Variants in RRP1B observed in about 807,000 individuals in gnomAD.
The protein encoded by RRP1B is ribosomal RNA processing protein 1 homolog B.
A neutral mutation model predicts 80.2 loss-of-function variants in RRP1B; 56 were observed. That is an observed-to-expected ratio of 0.70 (90% CI 0.56 to 0.87). The LOEUF (loss-of-function observed/expected upper bound fraction) is 0.87, where lower values mean the gene tolerates loss of function less well. RRP1B is among the 40% of genes least tolerant of loss of function. The pLI is 0.00. For missense variants in RRP1B, 807 were observed against 939.8 expected, an observed-to-expected ratio of 0.86 and a Z score of 1.85; for synonymous variants, 351 against 357.6, an observed-to-expected ratio of 0.98 and a Z score of 0.21.
rs1489307068 is a variant in RRP1B, at chr21:43,659,897, C to T, written c.130+103C>T. On this transcript the variant is annotated intron_variant, in intron 1 of 15. Transcript: ENST00000340648. The surrounding 1 kb of genome is among the most constrained non-coding windows in gnomAD (Gnocchi z 4.2). ...ACGGAATGCGGCTTCCACGTGTTGT[C>T]GTGACACCCAGCGTGTGCTTCGGTT... 6 of 1,249,040 alleles carry T rather than the reference C, an allele frequency of 4.8e-6. No individual in the cohort carries two copies. The highest frequency in any genetic ancestry group is 6.2e-6 in the Non-Finnish European group (6 of 960,112). The allele number at this position is 1,249,040 out of a possible 1,614,324, so 77.4% of individuals were successfully genotyped here.
rs754497410 is a variant in RRP1B, at chr21:43,684,502, A to G, written c.892-51A>G. On this transcript the variant is annotated intron_variant, in intron 9 of 15. Coordinates refer to ENST00000340648, the MANE Select transcript of RRP1B (RefSeq NM_015056.3). ...ACTAGCAGATGTAAATGGCCAAGTC[A>G]GGCAGTGTTGTTTGGCTGCAGACTT... 60 of 1,494,498 alleles carry G rather than the reference A, an allele frequency of 4.0e-5. No homozygotes were observed. The Admixed American group carries it at 9.2e-4, about 23-fold the overall frequency. 92.6% of individuals were successfully genotyped at this position (1,494,498 alleles called of 1,614,324 possible). A position where few individuals can be genotyped will look rare whatever the true frequency, so the allele number is the denominator to read the frequency against.
chr21:43,676,198 A>G, intron 6 of RRP1B, 74 bp from the exon 7 acceptor site: 1 of 1,087,876 alleles, frequency 9.2e-7, no homozygotes, highest in South Asian at 1.4e-5. Context: ...AAAAGATGGG[A>G]ATGGTCCCTT....
chr21:43,664,394 A>G (rs2082970308), intron 1 of RRP1B, among the ~76,000 whole-genome samples: 1 of 152,190 alleles, frequency 6.6e-6, no homozygotes, highest in Non-Finnish European at 1.5e-5. Flanking sequence ...AGGAATAGAA[A>G]GTGAGACAAT....
chr21:43,661,607 A>C (rs1357955800), intron 1 of RRP1B, among the ~76,000 whole-genome samples: 5 of 152,066 alleles, frequency 3.3e-5, no homozygotes, highest in African/African-American at 4.8e-5. Flanking sequence ...CATATTCCCC[A>C]ACTGGTCTCC....
At chr21:43,669,324 T>C (rs2082990466) in intron 1 of RRP1B, among the ~76,000 whole-genome samples, 1 of 152,214 alleles carries the variant, frequency 6.6e-6, no homozygotes, top group Non-Finnish European at 1.5e-5. Flanking sequence ...AGGTAATTTT[T>C]GCAAAAATAT....
rs2083069788 is a variant in RRP1B at position 43,687,790 on chromosome 21, G to A, written c.1416G>A (p.Arg472=). 10 of 1,613,108 alleles carry A rather than the reference G, an allele frequency of 6.2e-6. No individual in the cohort carries two copies. The highest frequency in any genetic ancestry group is 8.5e-6 in the Non-Finnish European group (10 of 1,180,052). Residue 472 remains arginine, a synonymous_variant, in exon 13 of 16, where the codon AGG becomes AGA. Coordinates refer to ENST00000340648, the MANE Select transcript of RRP1B (RefSeq NM_015056.3). ...CAGCCGTCCCCATGCACAATAAAAGGAAACGGCCACGGAAGAAGAGCCCGA... is the reference window on the plus strand; with the variant it reads ...CAGCCGTCCCCATGCACAATAAAAGAAAACGGCCACGGAAGAAGAGCCCGA... ...HPPAVPMHNK[R]KRPRKKSPRA... is the part of the protein sequence containing the mutation.
intron 1 of RRP1B, among the ~76,000 whole-genome samples, chr21:43,663,077 G>T (rs1379878520): frequency 6.6e-6 from 1 of 152,190 alleles, no homozygotes; most frequent in African/African-American, 2.4e-5. Flanking sequence ...CTCTATCCAA[G>T]AGTTATAATA....
At chr21:43,676,405 C>A in intron 7 of RRP1B, 69 bp downstream of exon 7, 2 of 1,191,198 alleles carry the variant, frequency 1.7e-6, no homozygotes, top group Non-Finnish European at 2.5e-6. Flanking sequence ...TGCCGTCGTG[C>A]AGCCTGGCAC....
rs1314385072 is a variant in RRP1B at position 43,691,403 on chromosome 21, G to A, written c.2020-36G>A. The A allele has an allele frequency of 3.1e-6, 5 of 1,608,088 alleles. No homozygotes were observed. Among genetic ancestry groups the A allele is most frequent in the African/African-American group, 2.7e-5 (2 of 74,800 alleles). On this transcript the variant is annotated intron_variant, in intron 14 of 15. Coordinates refer to ENST00000340648, the MANE Select transcript of RRP1B (RefSeq NM_015056.3). This position sits in a 1 kb window ranked among gnomAD's most constrained non-coding sequence, Gnocchi z 4.2. ...GACTAAGCGCCTCCACTGCACTTGC[G>A]TCACTCCTTTTGTTCCTGTTATTTC...
Position 43,675,037 on chromosome 21 carries a change from A to C in RRP1B, c.423A>C (p.Arg141=). The C allele has an allele frequency of 9.9e-6, 16 of 1,613,996 alleles. No individual in the cohort carries two copies. The highest frequency in any genetic ancestry group is 1.3e-5 in the African/African-American group (1 of 75,030). ...VLKRNGWEES[R]IKVFLDVLMK... Reference sequence around the variant, plus strand: ...AAGCATGCGTTTGGTTCTTTAGCCGAATCAAGGTTTTCTTGGATGTCCTGA... The same window carrying C: ...AAGCATGCGTTTGGTTCTTTAGCCGCATCAAGGTTTTCTTGGATGTCCTGA... The change falls in exon 6 of 16, where the codon CGA becomes CGC. Residue 141 remains arginine (R), a synonymous_variant. Coordinates refer to ENST00000340648, the MANE Select transcript of RRP1B (RefSeq NM_015056.3).
Position 43,687,918 on chromosome 21 carries a change from C to G in RRP1B, c.1544C>G (p.Thr515Arg), listed in dbSNP as rs984124930. 6.2e-7 allele frequency: 1 copy of G among 1,613,152 alleles called. No homozygotes were observed. Among genetic ancestry groups the G allele is most frequent in the African/African-American group, 1.3e-5 (1 of 74,938 alleles). The change falls in exon 13 of 16, where the codon ACA (threonine) becomes AGA (arginine). Residue 515 changes from threonine to arginine, a missense_variant. By Grantham distance (71) the Thr-to-Arg change is moderately conservative. Transcript: ENST00000340648. ...SHPQGPRGSPTGGAQLLKRKR... is the reference protein window; with the variant it reads ...SHPQGPRGSPRGGAQLLKRKR... ...CCTCAGGGACCTAGAGGGTCCCCGA[C>G]AGGTGGAGCCCAACTCCTAAAAAGG...
chr21:43,688,541 C>G (rs2147176351), intron 13 of RRP1B, among the ~76,000 whole-genome samples: 1 of 152,350 alleles, frequency 6.6e-6, no homozygotes, highest in Admixed American at 6.5e-5. Flanking sequence ...CAGGCGTGTT[C>G]AGGCCAGTCT....
chr21:43,691,622 C>A lies in RRP1B; in HGVS notation c.2083+120C>A. 1 of 691,276 alleles carries A rather than the reference C, an allele frequency of 1.4e-6. No homozygotes were observed. Among genetic ancestry groups the A allele is most frequent in the Non-Finnish European group, 2.4e-6 (1 of 408,810 alleles). The allele number at this position is 691,276 out of a possible 1,614,324, so 42.8% of individuals were successfully genotyped here. A position where few individuals can be genotyped will look rare whatever the true frequency, so the allele number is the denominator to read the frequency against. On this transcript the variant is annotated intron_variant, in intron 15 of 15. Transcript: ENST00000340648. This position sits in a 1 kb window ranked among gnomAD's most constrained non-coding sequence, Gnocchi z 4.2. ...AGGGGGGTCCTAGCTCCTCACTGCC[C>A]ATTTCTTTATTTTTATTTTTTTTTT...
rs946007249 is a variant in RRP1B, at chr21:43,659,600, C to T, written c.-65C>T. The T allele has an allele frequency of 6.0e-6, 8 of 1,342,302 alleles. No individual in the cohort carries two copies. In the South Asian group the frequency reaches 1.1e-4, roughly 19 times the overall value. The allele number at this position is 1,342,302 out of a possible 1,614,324, so 83.1% of individuals were successfully genotyped here. A position where few individuals can be genotyped will look rare whatever the true frequency, so the allele number is the denominator to read the frequency against. On this transcript the variant is annotated 5_prime_UTR_variant, in exon 1 of 16. Coordinates refer to ENST00000340648, the MANE Select transcript of RRP1B (RefSeq NM_015056.3). The surrounding 1 kb of genome is among the most constrained non-coding windows in gnomAD (Gnocchi z 4.2). Reference sequence around the variant, plus strand: ...CCGGGCGGACGGTGGCTGGCTGCTCCGCAGCGCTCGGCTGGCTGCAGCGGC... The same window carrying T: ...CCGGGCGGACGGTGGCTGGCTGCTCTGCAGCGCTCGGCTGGCTGCAGCGGC...
chr21:43,665,208 C>T (rs1442681400), intron 1 of RRP1B, among the ~76,000 whole-genome samples: 1 of 152,228 alleles, frequency 6.6e-6, no homozygotes. Context: ...ACTTACAAAA[C>T]CATCTGGAAA....
chr21:43,683,201 G>A, intron 8 of RRP1B, 78 bp from the exon 9 acceptor site: 3 of 1,174,284 alleles, frequency 2.6e-6, no homozygotes, highest in Non-Finnish European at 3.8e-6. Context: ...CACCTAATTA[G>A]ACAGTGGCTC....
chr21:43,672,243 C>A (rs1426991916), intron 2 of RRP1B, 65 bp from the exon 3 acceptor site: 3 of 1,433,956 alleles, frequency 2.1e-6, no homozygotes, highest in East Asian at 2.3e-5. Context: ...AAGCAGGCCG[C>A]GGCACAGGCA....
At chr21:43,679,275 G>T (rs142273913) in intron 8 of RRP1B, among the ~76,000 whole-genome samples, 2 of 150,108 alleles carry the variant, frequency 1.3e-5, no homozygotes, top group African/African-American at 5.0e-5. Flanking sequence ...TTTTGGCGGC[G>T]GGGAGGGGAG....
At chr21:43,692,542 T>G (rs2083090955) in intron 15 of RRP1B, among the ~76,000 whole-genome samples, 1 of 150,998 alleles carries the variant, frequency 6.6e-6, no homozygotes, top group African/African-American at 2.4e-5. Flanking sequence ...GAGGTTGCAG[T>G]GAGCCAAGAT....
Sources: gnomAD v4.1 joint callset for allele counts (sites outside exome capture counted in the v4.1 genomes callset) on GRCh38, gnomAD v4.1.1 for gene constraint, Gnocchi (gnomAD v3.1) non-coding constraint, MANE v1.5 for transcripts, NCBI Gene and HGNC (gene_info 2026-07-23, HGNC 2026-07-21) for gene names.